Variants in WIPF1 observed in about 807,000 individuals in gnomAD.
The protein encoded by WIPF1 is WAS/WASL interacting protein family member 1.
Under a neutral mutation model 35.4 loss-of-function variants are expected in WIPF1, and 13 were observed. The ratio of observed to expected loss-of-function variants is 0.37; its 90% CI spans 0.24 to 0.58. The LOEUF is 0.58. Ranked by LOEUF, WIPF1 falls within the 20% of genes least tolerant of loss-of-function variation. The pLI, the probability that WIPF1 is intolerant of heterozygous loss-of-function variation, is 0.74. For synonymous variants in WIPF1, 267 were observed against 266.3 expected (o/e 1.00, Z -0.02); for missense variants, 591 against 667.0 (o/e 0.89, Z 1.25).
intron 1 of WIPF1, among the ~76,000 whole-genome samples, chr2:174,680,048 C>T (rs1272640355): frequency 6.6e-6 from 1 of 152,210 alleles, no homozygotes; most frequent in Non-Finnish European, 1.5e-5. Flanking sequence ...GTGCCTCCAT[C>T]CAGCTGGACT....
rs996235550 is a variant in WIPF1 at position 174,561,836 on chromosome 2, G to A, written c.*711C>T. On this transcript the variant is annotated 3_prime_UTR_variant, in exon 8 of 8. Coordinates refer to ENST00000679041, the MANE Select transcript of WIPF1 (RefSeq NM_001375834.1). ...CTTAAAAATGTGACTAGTCTGAATG[G>A]AGATGTGCGGTAAGTGTAAAATACA... 2.0e-5 allele frequency: 9 copies of A among 456,750 alleles called. No homozygotes were observed. Among genetic ancestry groups the A allele is most frequent in the Admixed American group, 3.4e-5 (1 of 29,410 alleles). The allele number at this position is 456,750 out of a possible 1,614,324, so 28.3% of individuals were successfully genotyped here. A position where few individuals can be genotyped will look rare whatever the true frequency, so the allele number is the denominator to read the frequency against.
intron 1 of WIPF1, among the ~76,000 whole-genome samples, chr2:174,589,034 G>A (rs558267021): frequency 6.6e-6 from 1 of 152,166 alleles, no homozygotes; most frequent in African/African-American, 2.4e-5. Flanking sequence ...TGCTGGGCAC[G>A]GTCTGGACTT....
At chr2:174,619,060 C>T (rs1686598649) in intron 1 of WIPF1, among the ~76,000 whole-genome samples, 1 of 152,002 alleles carries the variant, frequency 6.6e-6, no homozygotes, top group Non-Finnish European at 1.5e-5. Flanking sequence ...CTCAAGTGAT[C>T]CTCCTACCTC....
chr2:174,635,525 G>GTTTTTTTTTTTTTT (rs1179795195), intron 1 of WIPF1, among the ~76,000 whole-genome samples: 4 of 126,174 alleles, frequency 3.2e-5, no homozygotes, highest in African/African-American at 1.3e-4. Flanking sequence ...GGTGCCTTCT[G>GTTTTTTTTTTTTTT]TTTGTTTTTT....
At chr2:174,672,405 A>T (rs1449485381) in intron 1 of WIPF1, among the ~76,000 whole-genome samples, 2 of 152,228 alleles carry the variant, frequency 1.3e-5, no homozygotes, top group Non-Finnish European at 2.9e-5. Flanking sequence ...CAATAGAAAG[A>T]CTTCAGTGTT....
At chr2:174,644,753 T>C (rs916882555) in intron 1 of WIPF1, among the ~76,000 whole-genome samples, 10 of 152,230 alleles carry the variant, frequency 6.6e-5, no homozygotes, top group African/African-American at 1.7e-4. Flanking sequence ...AGGAGCTCAA[T>C]TGAGAAAATA....
intron 1 of WIPF1, among the ~76,000 whole-genome samples, chr2:174,666,850 A>C (rs1362390566): frequency 6.6e-6 from 1 of 152,228 alleles, no homozygotes; most frequent in Non-Finnish European, 1.5e-5. Flanking sequence ...GGAATCAGAA[A>C]CTTCTCAATT....
intron 6 of WIPF1, 120 bp from the exon 7 acceptor site, chr2:174,567,303 C>G (rs1456671627): frequency 2.2e-6 from 2 of 922,998 alleles, no homozygotes; most frequent in Non-Finnish European, 3.3e-6. Context: ...GTTTTTATGC[C>G]TAGAAGTTTA....
At chr2:174,679,838 G>A (rs1241359449) in intron 1 of WIPF1, among the ~76,000 whole-genome samples, 2 of 152,208 alleles carry the variant, frequency 1.3e-5, no homozygotes, top group Non-Finnish European at 2.9e-5. Context: ...AGGAACAACT[G>A]ACAAATGTCC....
At position 174,561,336 on chromosome 2, in the gene WIPF1, T is replaced by C. The variant is rs1312975627; in HGVS notation, c.*1211A>G. ...TCTGATTTGATATATTTTCCTGACT[T>C]TTTTCCCCTCCTACCAAGCCTTCCT... On this transcript the variant is annotated 3_prime_UTR_variant, in exon 8 of 8. Transcript: ENST00000679041. 6.6e-6 allele frequency: 1 copy of C among 152,228 alleles called. No individual in the cohort carries two copies. The allele number at this position is 152,228 out of a possible 1,614,324, so 9.4% of individuals were successfully genotyped here.
upstream of WIPF1, among the ~76,000 whole-genome samples, chr2:174,602,284 G>A (rs1296173503): frequency 6.6e-6 from 1 of 152,198 alleles, no homozygotes; most frequent in Non-Finnish European, 1.5e-5. Context: ...TGTAGAAAAA[G>A]TGCTGAAGAA....
chr2:174,575,646 G>C (rs1035876799), intron 3 of WIPF1, among the ~76,000 whole-genome samples: 2 of 152,230 alleles, frequency 1.3e-5, no homozygotes, highest in Non-Finnish European at 2.9e-5. Context: ...ACATGGGTCA[G>C]TATCTGTTTG....
chr2:174,601,368 C>T (rs1686003090), upstream of WIPF1, among the ~76,000 whole-genome samples: 1 of 152,184 alleles, frequency 6.6e-6, no homozygotes, highest in East Asian at 1.9e-4. Context: ...AACCCTTGGC[C>T]CATCAGTGGG....
intron 1 of WIPF1, among the ~76,000 whole-genome samples, chr2:174,662,233 C>T (rs1687793944): frequency 6.6e-6 from 1 of 152,230 alleles, no homozygotes; most frequent in South Asian, 2.1e-4. Flanking sequence ...GGTTGTTATA[C>T]TGTACTGTTT....
intron 1 of WIPF1, among the ~76,000 whole-genome samples, chr2:174,664,613 C>T (rs1015584852): frequency 1.3e-5 from 2 of 152,204 alleles, no homozygotes; most frequent in African/African-American, 2.4e-5. Flanking sequence ...GTGTCGGGCT[C>T]GGCCCACACC....
intron 1 of WIPF1, among the ~76,000 whole-genome samples, chr2:174,620,536 C>T (rs1281646386): frequency 6.6e-6 from 1 of 152,176 alleles, no homozygotes; most frequent in African/African-American, 2.4e-5. Context: ...TTTTCAAGAT[C>T]TCTGCTAAAA....
At chr2:174,581,564 T>A in intron 2 of WIPF1, 125 bp from the exon 3 acceptor site, 1 of 1,280,092 alleles carries the variant, frequency 7.8e-7, no homozygotes, top group Non-Finnish European at 1.1e-6. Context: ...GGTTGTAAAT[T>A]CTCGACAAGT....
In WIPF1 at chr2:174,613,764, C is replaced by G. The variant is rs538391875; in HGVS notation, c.-38-28153G>C. On this transcript the variant is annotated intron_variant, in intron 1 of 8. Coordinates refer to the WIPF1 transcript ENST00000272746. ...TAAGAAGGCAAACATGGGAACACAGCTGGTAAAGTGGCTCCTTTTGTTTAC... is the reference window on the plus strand; with the variant it reads ...TAAGAAGGCAAACATGGGAACACAGGTGGTAAAGTGGCTCCTTTTGTTTAC... Among the ~76,000 whole-genome samples the G allele has an allele frequency of 3.3e-5, 5 of 152,228 alleles. No homozygotes were observed. In the South Asian group the frequency reaches 1.0e-3, roughly 32 times the overall value.
Position 174,571,889 on chromosome 2 carries a change from C to T in WIPF1, c.916G>A (p.Ala306Thr). The T allele has an allele frequency of 6.2e-7, 1 of 1,612,118 alleles. No individual in the cohort carries two copies. The highest frequency in any genetic ancestry group is 1.3e-5 in the African/African-American group (1 of 74,710). Residue 306 changes from alanine to threonine, a missense_variant, in exon 5 of 8, where the codon GCC becomes ACC. Transcript: ENST00000679041. This position sits in a 1 kb window ranked among gnomAD's most constrained non-coding sequence, Gnocchi z 4.6. ...STPRPSASSQ[A>T]PPPPPPPSRP... Reference sequence around the variant, plus strand: ...CTGGGAGGTGGCGGCGGAGGTGGGGCCTGTGAGGAGGCCGAAGGCCGCGGA... The same window carrying T: ...CTGGGAGGTGGCGGCGGAGGTGGGGTCTGTGAGGAGGCCGAAGGCCGCGGA...
Sources: gnomAD v4.1 joint callset for allele counts (sites outside exome capture counted in the v4.1 genomes callset) on GRCh38, gnomAD v4.1.1 for gene constraint, Gnocchi (gnomAD v3.1) non-coding constraint, MANE v1.5 for transcripts, NCBI Gene and HGNC (gene_info 2026-07-23, HGNC 2026-07-21) for gene names.